The following DOCK3 variants were observed in gnomAD, a reference collection of about 807,000 sequenced individuals.
DOCK3 encodes the protein dedicator of cytokinesis 3.
A neutral mutation model predicts 265.6 loss-of-function variants in DOCK3; 60 were observed. The observed-to-expected ratio is 0.23, with a 90% CI of 0.18 to 0.28. The LOEUF (loss-of-function observed/expected upper bound fraction) is 0.28, where lower values mean the gene tolerates loss of function less well. Ranked by LOEUF, DOCK3 falls within the 10% of genes least tolerant of loss-of-function variation. The pLI is 1.00. For synonymous variants in DOCK3, 881 were observed against 938.0 expected (o/e 0.94, Z 1.11); for missense variants, 1,981 against 2,594.3 (o/e 0.76, Z 5.14).
intron 4 of DOCK3, among the ~76,000 whole-genome samples, chr3:50,892,566 C>T (rs2048692159): frequency 6.6e-6 from 1 of 152,078 alleles, no homozygotes; most frequent in African/African-American, 2.4e-5. Flanking sequence ...GAGGACTGTA[C>T]ATCAAACATC....
intron 5 of DOCK3, among the ~76,000 whole-genome samples, chr3:51,004,417 A>C (rs1370600280): frequency 1.3e-5 from 2 of 152,214 alleles, no homozygotes; most frequent in Non-Finnish European, 2.9e-5. Context: ...TTCCTGATCC[A>C]TAAAAACTAT....
In DOCK3 at chr3:51,142,517, T is replaced by A. The variant is rs1488643959; in HGVS notation, c.747-4032T>A. On this transcript the variant is annotated intron_variant, in intron 9 of 52. Coordinates refer to ENST00000266037, the MANE Select transcript of DOCK3 (RefSeq NM_004947.5). ...TATGGCCTTTTTTCATTGAGTTTTTTCATTTAGTATAATGCTTTTGAGATT... is the reference window on the plus strand; with the variant it reads ...TATGGCCTTTTTTCATTGAGTTTTTACATTTAGTATAATGCTTTTGAGATT... 2.0e-5 allele frequency among the ~76,000 whole-genome samples: 3 copies of A among 152,338 alleles called. No homozygotes were observed. The East Asian group carries it at 5.8e-4, about 29-fold the overall frequency.
chr3:50,921,130 C>G (rs2108031241), intron 4 of DOCK3, among the ~76,000 whole-genome samples: 1 of 152,284 alleles, frequency 6.6e-6, no homozygotes, highest in Middle Eastern at 3.4e-3. Context: ...GTTACAATTT[C>G]TGTTCTTTTA....
At chr3:50,803,148 A>G (rs189635794) in intron 2 of DOCK3, among the ~76,000 whole-genome samples, 174 of 151,844 alleles carry the variant, frequency 1.1e-3, no homozygotes, top group Middle Eastern at 6.8e-3. Flanking sequence ...GTCGTAGGAC[A>G]ATAGTGGAGG....
intron 9 of DOCK3, among the ~76,000 whole-genome samples, chr3:51,129,273 A>G (rs2084403380): frequency 6.6e-6 from 1 of 152,322 alleles, no homozygotes. Flanking sequence ...AAGGGGTTGT[A>G]GTGCTGCAGC....
chr3:50,688,423 T>C (rs1274926786), intron 1 of DOCK3, among the ~76,000 whole-genome samples: 1 of 152,202 alleles, frequency 6.6e-6, no homozygotes, highest in East Asian at 1.9e-4. Flanking sequence ...TTTGTTGCAA[T>C]GAACCCGTAA....
intron 5 of DOCK3, among the ~76,000 whole-genome samples, chr3:50,973,238 C>A (rs546118900): frequency 1.3e-5 from 2 of 150,500 alleles, no homozygotes; most frequent in Non-Finnish European, 2.9e-5. Context: ...GCTGCACCCA[C>A]TAACTCGTCA....
chr3:50,917,744 C>T (rs1356557408), intron 4 of DOCK3, among the ~76,000 whole-genome samples: 2 of 151,676 alleles, frequency 1.3e-5, no homozygotes, highest in African/African-American at 4.9e-5. Context: ...TGTATTTTTA[C>T]GTAACTCTGA....
chr3:51,286,135 A>G (rs375180803), intron 27 of DOCK3, among the ~76,000 whole-genome samples: 7 of 152,212 alleles, frequency 4.6e-5, no homozygotes, highest in East Asian at 3.8e-4. Flanking sequence ...GGATACAAAA[A>G]TCGATGTAAA....
At chr3:51,229,462 A>G (rs2090456856) in intron 18 of DOCK3, 50 bp from the exon 19 acceptor site, 4 of 1,385,076 alleles carry the variant, frequency 2.9e-6, no homozygotes, top group African/African-American at 1.5e-5. Flanking sequence ...AAAAAAAAAA[A>G]AGAATATCCA....
intron 1 of DOCK3, among the ~76,000 whole-genome samples, chr3:50,686,119 C>G (rs931286973): frequency 4.0e-5 from 6 of 151,714 alleles, no homozygotes; most frequent in African/African-American, 1.5e-4. Flanking sequence ...TACAACTCAC[C>G]ATGATGTAGA....
Position 51,064,438 on chromosome 3 carries a change from G to A in DOCK3, c.316-10G>A, listed in dbSNP as rs1422441793. 1.9e-6 allele frequency: 3 copies of A among 1,612,828 alleles called. No homozygotes were observed. Among genetic ancestry groups the A allele is most frequent in the Non-Finnish European group, 2.5e-6 (3 of 1,179,322 alleles). ...TTGTATTTCACCCAACACCAAAAAT[G>A]CCCTTTCAGAAACACAAAGTAGATC... On this transcript the variant is annotated splice_polypyrimidine_tract_variant and intron_variant, in intron 5 of 52. Coordinates refer to ENST00000266037, the MANE Select transcript of DOCK3 (RefSeq NM_004947.5).
intron 5 of DOCK3, among the ~76,000 whole-genome samples, chr3:50,995,114 T>A (rs1038041440): frequency 6.6e-6 from 1 of 151,904 alleles, no homozygotes; most frequent in Non-Finnish European, 1.5e-5. Flanking sequence ...TTTAATACAG[T>A]GTTTTTATAT....
intron 4 of DOCK3, among the ~76,000 whole-genome samples, chr3:50,912,467 C>T (rs570539059): frequency 6.6e-6 from 1 of 152,232 alleles, no homozygotes; most frequent in Non-Finnish European, 1.5e-5. Flanking sequence ...TGCTCAAGGC[C>T]CTGGTGCTCT....
chr3:51,342,722 C>T (rs2085320560), intron 38 of DOCK3, among the ~76,000 whole-genome samples: 1 of 152,180 alleles, frequency 6.6e-6, no homozygotes, highest in Non-Finnish European at 1.5e-5. Flanking sequence ...TATAGTAATG[C>T]ATAGAAAAGC....
chr3:51,313,496 T>G (rs2083207503), intron 31 of DOCK3, among the ~76,000 whole-genome samples: 1 of 152,244 alleles, frequency 6.6e-6, no homozygotes, highest in African/African-American at 2.4e-5. Flanking sequence ...GCTTTGAATC[T>G]AAATTTGTCA....
chr3:51,200,907 T>A (rs1358435586), intron 12 of DOCK3, among the ~76,000 whole-genome samples: 1 of 152,062 alleles, frequency 6.6e-6, no homozygotes, highest in African/African-American at 2.4e-5. Context: ...ACCACAAATT[T>A]CATATGCAGC....
At chr3:51,003,790 A>G (rs2078566829) in intron 5 of DOCK3, among the ~76,000 whole-genome samples, 1 of 152,208 alleles carries the variant, frequency 6.6e-6, no homozygotes, top group Non-Finnish European at 1.5e-5. Context: ...AATTATTTCT[A>G]AATGTGTTTG....
intron 31 of DOCK3, 89 bp from the exon 32 acceptor site, chr3:51,314,891 T>C: frequency 7.2e-7 from 1 of 1,392,770 alleles, no homozygotes; most frequent in African/African-American, 1.5e-5. Flanking sequence ...GCTTCCAGTA[T>C]GGATTGTAGC....
Sources: allele counts gnomAD v4.1 joint callset (sites outside exome capture counted in the v4.1 genomes callset), GRCh38; gene constraint gnomAD v4.1.1; transcripts MANE v1.5; gene names NCBI Gene and HGNC (gene_info 2026-07-23, HGNC 2026-07-21).